RNF175: variants seen among roughly 807,000 people sequenced by gnomAD.
The protein encoded by RNF175 is ring finger protein 175.
A neutral mutation model predicts 50.0 loss-of-function variants in RNF175; 38 were observed. The observed-to-expected ratio is 0.76, with a 90% CI of 0.59 to 1.00. The LOEUF (loss-of-function observed/expected upper bound fraction) is 1.00. Among genes scored for constraint, RNF175 ranks in the 50% least tolerant of loss-of-function variants. The pLI is 0.00. For missense variants in RNF175, 388 were observed against 409.6 expected (o/e 0.95, Z 0.46); for synonymous variants, 155 against 146.1 (o/e 1.06, Z -0.44).
chr4:153,731,291 A>G (rs1719367095), intron 3 of RNF175, among the ~76,000 whole-genome samples: 1 of 152,224 alleles, frequency 6.6e-6, no homozygotes, highest in African/African-American at 2.4e-5. Flanking sequence ...TCATAAATAA[A>G]CACATGAAAT....
chr4:153,728,336 A>G lies in RNF175; in HGVS notation c.272T>C (p.Val91Ala). ...YNLVTLLQMWVVPLYFTIKLY... is the reference protein window; with the variant it reads ...YNLVTLLQMWAVPLYFTIKLY... ...TTTTATCGTGAAATATAAGGGGACA[A>G]CCCACATCTGCAACAAGGTCACCAG... The change falls in exon 4 of 9, where the codon GTT (valine) becomes GCT (alanine). Residue 91 changes from valine (V) to alanine (A), a missense_variant. Transcript: ENST00000347063. The G allele has an allele frequency of 1.2e-6, 2 of 1,613,844 alleles. No homozygotes were observed. Among genetic ancestry groups the G allele is most frequent in the Non-Finnish European group, 1.7e-6 (2 of 1,179,774 alleles).
At chr4:153,750,499 T>C (rs983960858) in intron 2 of RNF175, among the ~76,000 whole-genome samples, 1 of 152,220 alleles carries the variant, frequency 6.6e-6, no homozygotes, top group Non-Finnish European at 1.5e-5. Flanking sequence ...AGAATGTCAG[T>C]GCTGGAAGTT....
intron 3 of RNF175, among the ~76,000 whole-genome samples, chr4:153,731,288 T>C (rs1362460608): frequency 6.6e-6 from 1 of 152,130 alleles, no homozygotes; most frequent in African/African-American, 2.4e-5. Flanking sequence ...CCCTCATAAA[T>C]AAACACATGA....
At chr4:153,728,152 T>G in intron 4 of RNF175, 55 bp downstream of exon 4, 6 of 1,374,896 alleles carry the variant, frequency 4.4e-6, no homozygotes, top group Non-Finnish European at 5.9e-6. Flanking sequence ...TAAAATATGC[T>G]TTGTAATATT....
chr4:153,720,274 G>A lies in RNF175; in HGVS notation c.540C>T (p.Gly180=). The A allele has an allele frequency of 6.2e-7, 1 of 1,612,810 alleles. No homozygotes were observed. The highest frequency in any genetic ancestry group is 8.5e-7 in the Non-Finnish European group (1 of 1,178,890). The part of the protein sequence containing the change: ...KIKARDSMDF[G]IVSLFYGLYY... The stretch of plus-strand genomic sequence containing the variant: ...AGAGGCCGTAGAACAAAGACACAAT[G>A]CCAAAATCCATGGAATCTCTAGCTT... The change falls in exon 6 of 9, where the codon GGC becomes GGT. Residue 180 remains glycine (G), a synonymous_variant. Transcript: ENST00000347063.
intron 3 of RNF175, among the ~76,000 whole-genome samples, chr4:153,733,744 A>C (rs192949032): frequency 1.3e-5 from 2 of 152,292 alleles, no homozygotes; most frequent in Admixed American, 6.5e-5. Context: ...AAATGTTCCT[A>C]TTTTGAAGTC....
chr4:153,715,149 T>G, intron 7 of RNF175: 1 of 335,110 alleles, frequency 3.0e-6, no homozygotes, highest in Admixed American at 3.9e-5. Flanking sequence ...TAGTCTTAAG[T>G]TCCCCCCTGC....
At chr4:153,758,009 C>A (rs1435165830) in intron 1 of RNF175, among the ~76,000 whole-genome samples, 1 of 152,118 alleles carries the variant, frequency 6.6e-6, no homozygotes. Context: ...CAGGAGCGAG[C>A]AAGGCAGACC....
At chr4:153,748,864 CAAAAA>C in intron 2 of RNF175, 78 bp from the exon 3 acceptor site, 1 of 1,385,518 alleles carries the variant, frequency 7.2e-7, no homozygotes, top group Non-Finnish European at 9.7e-7. Context: ...AAACAAAAAA[CAAAAA>C]AACAAAAAAC....
At chr4:153,749,090 T>TG (rs1269370619) in intron 2 of RNF175, among the ~76,000 whole-genome samples, 1 of 152,184 alleles carries the variant, frequency 6.6e-6, no homozygotes, top group Non-Finnish European at 1.5e-5. Context: ...AGTTAAGTGA[T>TG]GGGGCTAAAA....
At chr4:153,725,831 T>C (rs1459519830) in intron 4 of RNF175, among the ~76,000 whole-genome samples, 16 of 152,236 alleles carry the variant, frequency 1.1e-4, no homozygotes, top group Admixed American at 1.0e-3. Context: ...ATCACTGTTA[T>C]GGATGTGTTC....
At chr4:153,715,181 C>A in intron 7 of RNF175, 1 of 361,720 alleles carries the variant, frequency 2.8e-6, no homozygotes, top group Non-Finnish European at 5.4e-6. Flanking sequence ...CACTCTTTTT[C>A]TCACCTCCAA....
chr4:153,737,276 T>C (rs1410819514), intron 3 of RNF175, among the ~76,000 whole-genome samples: 1 of 152,180 alleles, frequency 6.6e-6, no homozygotes, highest in Admixed American at 6.5e-5. Flanking sequence ...GGTTTCATTG[T>C]GTTTCCTCTA....
At chr4:153,752,247 C>T (rs1043566787) in intron 1 of RNF175, among the ~76,000 whole-genome samples, 16 of 152,168 alleles carry the variant, frequency 1.1e-4, no homozygotes, top group Non-Finnish European at 4.4e-5. Context: ...AATGTTTTTG[C>T]CCCCAAAGCA....
intron 4 of RNF175, among the ~76,000 whole-genome samples, chr4:153,725,505 G>A (rs759225930): frequency 5.3e-5 from 8 of 152,148 alleles, no homozygotes; most frequent in Non-Finnish European, 1.2e-4. Flanking sequence ...TCAAACTTCC[G>A]CCAGCATTAG....
intron 3 of RNF175, among the ~76,000 whole-genome samples, chr4:153,732,426 A>T (rs1420003344): frequency 6.6e-6 from 1 of 152,142 alleles, no homozygotes; most frequent in African/African-American, 2.4e-5. Flanking sequence ...TATGTATTTA[A>T]GTATGTATGT....
At chr4:153,718,098 C>T (rs1738060994) in intron 6 of RNF175, among the ~76,000 whole-genome samples, 1 of 152,070 alleles carries the variant, frequency 6.6e-6, no homozygotes, top group African/African-American at 2.4e-5. Flanking sequence ...CAGATAAATG[C>T]AGTCATACAG....
rs1458846550 is a variant in RNF175 at position 153,711,406 on chromosome 4, G to A, written c.867-917C>T. On this transcript the variant is annotated intron_variant, in intron 8 of 8. Coordinates refer to ENST00000347063, the MANE Select transcript of RNF175 (RefSeq NM_173662.4). ...TCTCTTGCAATGGTATGGGCCTTGA[G>A]ACCCAAAGATCCACTGATGTTGCCT... Among the ~76,000 whole-genome samples, 6 of 151,758 alleles carry A rather than the reference G, an allele frequency of 4.0e-5. No homozygotes were observed. In the East Asian group the frequency reaches 9.7e-4, roughly 25 times the overall value.
intron 3 of RNF175, among the ~76,000 whole-genome samples, chr4:153,746,900 C>T (rs56331473): frequency 2.0e-5 from 3 of 152,160 alleles, no homozygotes; most frequent in East Asian, 1.9e-4. Context: ...GCACCACCAA[C>T]GTTTATAGCT....
Sources: gnomAD v4.1 joint callset for allele counts (sites outside exome capture counted in the v4.1 genomes callset) on GRCh38, gnomAD v4.1.1 for gene constraint, MANE v1.5 for transcripts, NCBI Gene and HGNC (gene_info 2026-07-23, HGNC 2026-07-21) for gene names.